Variants in TPRG1 observed in about 807,000 individuals in gnomAD.
TPRG1 encodes tumor protein p63 regulated 1, also known as tumor protein p63-regulated gene 1 protein.
TPRG1 carries 29 observed loss-of-function variants against 29.3 expected under a neutral mutation model. The ratio of observed to expected loss-of-function variants is 0.99; its 90% CI spans 0.74 to 1.35. The LOEUF is 1.35. TPRG1 is among the 40% of genes most tolerant of loss of function. The pLI, the probability that TPRG1 is intolerant of heterozygous loss-of-function variation, is 0.00. For synonymous variants in TPRG1, 130 were observed against 116.8 expected, an observed-to-expected ratio of 1.11 and a Z score of -0.73; for missense variants, 327 against 335.0, an observed-to-expected ratio of 0.98 and a Z score of 0.19.
At chr3:189,160,464 A>C (rs1406301917) in intron 5 of TPRG1, among the ~76,000 whole-genome samples, 1 of 152,188 alleles carries the variant, frequency 6.6e-6, no homozygotes. Flanking sequence ...ACTTCCATTT[A>C]GGTTTTTCTC....
chr3:189,122,280 A>G (rs1721918806), intron 1 of TPRG1, among the ~76,000 whole-genome samples: 1 of 152,168 alleles, frequency 6.6e-6, no homozygotes, highest in East Asian at 1.9e-4. Flanking sequence ...AGTTTGTTAC[A>G]CAAGCAGTTT....
intron 5 of TPRG1, among the ~76,000 whole-genome samples, chr3:189,161,938 G>A (rs1727544239): frequency 6.6e-6 from 1 of 152,298 alleles, no homozygotes; most frequent in South Asian, 2.1e-4. Flanking sequence ...CTTTGAGGCT[G>A]TGAAAACTTT....
chr3:189,110,412 T>C (rs548055164), intron 1 of TPRG1, among the ~76,000 whole-genome samples: 1 of 152,292 alleles, frequency 6.6e-6, no homozygotes, highest in East Asian at 1.9e-4. Flanking sequence ...AATGTTGGGT[T>C]TTTAGACTTC....
chr3:189,225,182 C>T lies in TPRG1; in HGVS notation c.302+9799C>T, dbSNP rs1441146975. Among the ~76,000 whole-genome samples the T allele has an allele frequency of 3.9e-5, 6 of 152,154 alleles. No homozygotes were observed. In the East Asian group the frequency reaches 9.6e-4, roughly 24 times the overall value. ...TCCTGACCTCATGATCCGCCCACCT[C>T]GGTCTCCCAAAGTGCTGGGATTACA... is the stretch of plus-strand genomic sequence containing the variant. On this transcript the variant is annotated intron_variant, in intron 3 of 5. Transcript: ENST00000345063.
At chr3:188,998,240 T>G (rs1711892028) in intron 1 of TPRG1, among the ~76,000 whole-genome samples, 1 of 152,206 alleles carries the variant, frequency 6.6e-6, no homozygotes, top group Non-Finnish European at 1.5e-5. Context: ...GGGATGTATT[T>G]AAAATTGGGC....
At chr3:189,058,655 AT>A (rs1161444163) in intron 4 of TPRG1, among the ~76,000 whole-genome samples, 1 of 152,196 alleles carries the variant, frequency 6.6e-6, no homozygotes, top group Admixed American at 6.5e-5. Context: ...AAGAAAAATA[AT>A]TGTTAATGCT....
At chr3:189,197,983 G>A (rs1395656570) in intron 1 of TPRG1, among the ~76,000 whole-genome samples, 2 of 152,200 alleles carry the variant, frequency 1.3e-5, no homozygotes, top group South Asian at 2.1e-4. Flanking sequence ...TGGGTTGACT[G>A]TGAGAAAATT....
chr3:189,098,849 GA>G (rs766893852), upstream of TPRG1, among the ~76,000 whole-genome samples: 2 of 152,000 alleles, frequency 1.3e-5, no homozygotes, highest in Non-Finnish European at 2.9e-5. Context: ...TCCCTATGTA[GA>G]AAAAAATTAA....
At chr3:189,229,916 A>G (rs1738368648) in intron 3 of TPRG1, among the ~76,000 whole-genome samples, 1 of 152,228 alleles carries the variant, frequency 6.6e-6, no homozygotes, top group Non-Finnish European at 1.5e-5. Context: ...TTAAAATAAT[A>G]AAACAATGGA....
intron 3 of TPRG1, among the ~76,000 whole-genome samples, chr3:189,142,909 A>G (rs1052987160): frequency 3.9e-5 from 6 of 152,198 alleles, no homozygotes; most frequent in African/African-American, 1.4e-4. Flanking sequence ...CCTCATTAAT[A>G]TATTTTTAAA....
Position 189,191,079 on chromosome 3 carries a change from T to C in TPRG1, c.-9-16297T>C, listed in dbSNP as rs1731620667. 16 of 518,874 alleles carry C rather than the reference T, an allele frequency of 3.1e-5. 1 individual carries two copies. The highest frequency in any genetic ancestry group is 3.7e-5 in the Non-Finnish European group (15 of 403,502). 32.1% of individuals were successfully genotyped at this position (518,874 alleles called of 1,614,324 possible). ...GTAGTTGTAGCAGTTCACACGTAAA[T>C]ATACATGTATTCTTACTTTCAAATA... On this transcript the variant is annotated intron_variant, in intron 1 of 5. Coordinates refer to ENST00000345063, the MANE Select transcript of TPRG1 (RefSeq NM_198485.4).
intron 5 of TPRG1, among the ~76,000 whole-genome samples, chr3:189,317,487 CA>C (rs1189100081): frequency 4.2e-4 from 64 of 152,320 alleles, no homozygotes; most frequent in Non-Finnish European, 7.1e-4. Flanking sequence ...TGTATACAAA[CA>C]CTTTATTTCA....
chr3:189,070,511 A>G (rs1173660255), intron 4 of TPRG1, among the ~76,000 whole-genome samples: 1 of 152,192 alleles, frequency 6.6e-6, no homozygotes, highest in Non-Finnish European at 1.5e-5. Flanking sequence ...TTGTGCTATG[A>G]TAGTATAGTT....
intron 4 of TPRG1, among the ~76,000 whole-genome samples, chr3:189,150,425 C>T (rs1163395681): frequency 6.6e-6 from 1 of 152,164 alleles, no homozygotes; most frequent in Non-Finnish European, 1.5e-5. Flanking sequence ...TTGTGATTCA[C>T]CCGCCTCGGC....
chr3:189,230,168 GC>G (rs1344728677), intron 3 of TPRG1, among the ~76,000 whole-genome samples: 1 of 152,160 alleles, frequency 6.6e-6, no homozygotes, highest in African/African-American at 2.4e-5. Flanking sequence ...ATGGGGGCGT[GC>G]CCAGATTCTT....
At chr3:189,238,260 G>A (rs1054479194) in intron 3 of TPRG1, among the ~76,000 whole-genome samples, 3 of 152,192 alleles carry the variant, frequency 2.0e-5, no homozygotes, top group Non-Finnish European at 2.9e-5. Flanking sequence ...TCCAGTCTCC[G>A]ACTTACTTCC....
chr3:189,235,234 T>C lies in TPRG1; in HGVS notation c.303-3499T>C, dbSNP rs549698142. 1.1e-4 allele frequency among the ~76,000 whole-genome samples: 16 copies of C among 148,580 alleles called. No homozygotes were observed. The South Asian group carries it at 1.5e-3, about 14-fold the overall frequency. On this transcript the variant is annotated intron_variant, in intron 3 of 5. Transcript: ENST00000345063. The stretch of plus-strand genomic sequence containing the variant: ...GAGGTTTGCTTTTTTTTTTTTTTTT[T>C]CCAAAGGATCCCCTCACTGCAGTAG...
At chr3:189,310,244 C>CT in intron 4 of TPRG1, 142 bp from the exon 5 acceptor site, 1 of 612,698 alleles carries the variant, frequency 1.6e-6, no homozygotes, top group East Asian at 3.2e-5. Flanking sequence ...CCTAATTCAC[C>CT]TTTTTCTTCT....
At chr3:189,195,217 A>G (rs1399284604) in intron 1 of TPRG1, among the ~76,000 whole-genome samples, 1 of 152,058 alleles carries the variant, frequency 6.6e-6, no homozygotes, top group Non-Finnish European at 1.5e-5. Flanking sequence ...GGGGTGCATG[A>G]CCACTCTTGG....
Sources: allele counts gnomAD v4.1 joint callset (sites outside exome capture counted in the v4.1 genomes callset), GRCh38; gene constraint gnomAD v4.1.1; transcripts MANE v1.5; gene names NCBI Gene and HGNC (gene_info 2026-07-23, HGNC 2026-07-21).